The following UQCRQ variants were observed in gnomAD, a reference collection of about 807,000 sequenced individuals.
The protein encoded by UQCRQ is cytochrome b-c1 complex subunit 8.
UQCRQ carries 9 observed loss-of-function variants against 7.9 expected under a neutral mutation model. The ratio of observed to expected loss-of-function variants is 1.13; its 90% confidence interval spans 0.68 to 1.98. The LOEUF is 1.98. Ranked by LOEUF, UQCRQ falls within the 30% of genes most tolerant of loss-of-function variation. The pLI, the probability that UQCRQ is intolerant of heterozygous loss-of-function variation, is 0.00. For missense variants in UQCRQ, 112 were observed against 109.7 expected (o/e 1.02, Z -0.10); for synonymous variants, 50 against 41.9 (o/e 1.19, Z -0.75).
In UQCRQ at chr5:132,867,025, C is replaced by G; in HGVS notation, c.144C>G (p.Arg48=). The G allele has an allele frequency of 6.2e-7, 1 of 1,613,840 alleles. No homozygotes were observed. Among genetic ancestry groups the G allele is most frequent in the Admixed American group, 1.7e-5 (1 of 60,032 alleles). The change falls in exon 2 of 3, where the codon CGC becomes CGG. Residue 48 remains arginine (R), a synonymous_variant. Coordinates refer to ENST00000378670, the MANE Select transcript of UQCRQ (RefSeq NM_014402.5). Reference sequence around the variant, plus strand: ...GCCGCATTCGGGAGTCTTTCTTTCGCGTGGTGCCGCGTGAGTGCCTTGGGC... The same window carrying G: ...GCCGCATTCGGGAGTCTTTCTTTCGGGTGGTGCCGCGTGAGTGCCTTGGGC... ...VLRRIRESFF[R]VVPQFVVFYL... is the part of the protein sequence containing the mutation.
chr5:132,867,008 C>T lies in UQCRQ; in HGVS notation c.127C>T (p.Arg43Trp). 2 of 1,614,032 alleles carry T rather than the reference C, an allele frequency of 1.2e-6. No homozygotes were observed. The highest frequency in any genetic ancestry group is 1.7e-6 in the Non-Finnish European group (2 of 1,179,948). ...KGIPNVLRRI[R>W]ESFFRVVPQF... ...AATCCCCAATGTTCTGCGCCGCATT[C>T]GGGAGTCTTTCTTTCGCGTGGTGCC... is the stretch of plus-strand genomic sequence containing the variant. The change falls in exon 2 of 3, where the codon CGG becomes TGG. Residue 43 changes from arginine to tryptophan, a missense_variant. Physicochemically the swap from Arg to Trp is moderately radical, Grantham distance 101. Coordinates refer to ENST00000378670, the MANE Select transcript of UQCRQ (RefSeq NM_014402.5).
rs377638751 is a variant in UQCRQ, at chr5:132,867,574, G to C, written c.241G>C (p.Asp81His). 1.8e-4 allele frequency: 295 copies of C among 1,613,936 alleles called. No homozygotes were observed. The highest frequency in any genetic ancestry group is 2.5e-4 in the Non-Finnish European group (292 of 1,179,912). ...KRKNPAAYENDK is the reference protein window; with the variant it reads ...KRKNPAAYENHK ...GAAGAATCCAGCTGCCTATGAAAAT[G>C]ACAAATGAGCAACGCATCCGGATGA... The change falls in exon 3 of 3, where the codon GAC becomes CAC. Residue 81 changes from aspartate to histidine, a missense_variant. Asp to His is a moderately conservative substitution (Grantham distance 81). Coordinates refer to ENST00000378670, the MANE Select transcript of UQCRQ (RefSeq NM_014402.5).
chr5:132,867,749 G>C lies in UQCRQ; in HGVS notation c.*167G>C, dbSNP rs1759676003. 1.7e-5 allele frequency: 11 copies of C among 662,168 alleles called. No homozygotes were observed. The highest frequency in any genetic ancestry group is 8.0e-4 in the Middle Eastern group (2 of 2,486). 41.0% of individuals were successfully genotyped at this position (662,168 alleles called of 1,614,324 possible). ...TGTGACCACTAATATTCAAGTTCAT[G>C]AAGCGCCCCTCCTCAGCATGAGTCT... is the stretch of plus-strand genomic sequence containing the variant. On this transcript the variant is annotated 3_prime_UTR_variant, in exon 3 of 3. Transcript: ENST00000378670.
Position 132,867,574 on chromosome 5 carries a change from G to A in UQCRQ, c.241G>A (p.Asp81Asn), listed in dbSNP as rs377638751. ...KRKNPAAYEN[D>N]K ...GAAGAATCCAGCTGCCTATGAAAAT[G>A]ACAAATGAGCAACGCATCCGGATGA... Residue 81 changes from aspartate (D) to asparagine (N), a missense_variant, in exon 3 of 3, where the codon GAC becomes AAC. By Grantham distance (23) the Asp-to-Asn change is conservative. Coordinates refer to ENST00000378670, the MANE Select transcript of UQCRQ (RefSeq NM_014402.5). 1 of 1,613,936 alleles carries A rather than the reference G, an allele frequency of 6.2e-7. No individual in the cohort carries two copies. Among genetic ancestry groups the A allele is most frequent in the Admixed American group, 1.7e-5 (1 of 60,000 alleles).
Position 132,866,886 on chromosome 5 carries a change from G to C in UQCRQ, c.5G>C (p.Gly2Ala). 6.2e-7 allele frequency: 1 copy of C among 1,613,722 alleles called. No homozygotes were observed. The highest frequency in any genetic ancestry group is 8.5e-7 in the Non-Finnish European group (1 of 1,179,944). Reference sequence around the variant, plus strand: ...TCCTGCAGGGCCGCCGCCACAATGGGCCGCGAGTTTGGGAATCTGACGCGG... The same window carrying C: ...TCCTGCAGGGCCGCCGCCACAATGGCCCGCGAGTTTGGGAATCTGACGCGG... M[G>A]REFGNLTRMR... The change falls in exon 2 of 3, where the codon GGC (glycine) becomes GCC (alanine). Residue 2 changes from glycine to alanine, a missense_variant. Coordinates refer to ENST00000378670, the MANE Select transcript of UQCRQ (RefSeq NM_014402.5).
Position 132,867,054 on chromosome 5 carries a change from C to T in UQCRQ, c.154+19C>T, listed in dbSNP as rs756768893. On this transcript the variant is annotated intron_variant, in intron 2 of 2. Transcript: ENST00000378670. ...GTGCCGCGTGAGTGCCTTGGGCCCGCGGGAGCGGGAGGCTGGACCCCAGCA... is the reference window on the plus strand; with the variant it reads ...GTGCCGCGTGAGTGCCTTGGGCCCGTGGGAGCGGGAGGCTGGACCCCAGCA... 3.7e-6 allele frequency: 6 copies of T among 1,612,982 alleles called. No individual in the cohort carries two copies. The South Asian group carries it at 5.5e-5, about 15-fold the overall frequency.
Position 132,867,496 on chromosome 5 carries a change from G to A in UQCRQ, c.163G>A (p.Val55Met), listed in dbSNP as rs1210345397. The A allele has an allele frequency of 1.9e-6, 3 of 1,613,210 alleles. No individual in the cohort carries two copies. The highest frequency in any genetic ancestry group is 2.2e-5 in the East Asian group (1 of 44,888). The change falls in exon 3 of 3, where the codon GTG (valine) becomes ATG (methionine). Residue 55 changes from valine to methionine, a missense_variant. Physicochemically the swap from Val to Met is conservative, Grantham distance 21. Coordinates refer to ENST00000378670, the MANE Select transcript of UQCRQ (RefSeq NM_014402.5). The part of the protein sequence containing the change: ...SFFRVVPQFV[V>M]FYLIYTWGTE... ...TCTCTTAATTTTTAAAGAGTTTGTA[G>A]TGTTTTATCTTATCTACACATGGGG...
rs774125650 is a variant in UQCRQ at position 132,867,601 on chromosome 5, G to T, written c.*19G>T. 22 of 1,604,404 alleles carry T rather than the reference G, an allele frequency of 1.4e-5. No homozygotes were observed. In the East Asian group the frequency reaches 4.5e-4, roughly 33 times the overall value. On this transcript the variant is annotated 3_prime_UTR_variant, in exon 3 of 3. Transcript: ENST00000378670. ...CAAATGAGCAACGCATCCGGATGACGGTTCCCTGTCTCTGAAAGACCTTTC... is the reference window on the plus strand; with the variant it reads ...CAAATGAGCAACGCATCCGGATGACTGTTCCCTGTCTCTGAAAGACCTTTC...
rs1159734566 is a variant in UQCRQ, at chr5:132,868,353, C to T, written c.*771C>T. 6.6e-6 allele frequency among the ~76,000 whole-genome samples: 1 copy of T among 152,146 alleles called. No homozygotes were observed. Among genetic ancestry groups the T allele is most frequent in the Admixed American group, 6.5e-5 (1 of 15,274 alleles). On this transcript the variant is annotated 3_prime_UTR_variant, in exon 3 of 3. Coordinates refer to ENST00000378670, the MANE Select transcript of UQCRQ (RefSeq NM_014402.5). ...GCACCTTTAACGTATCCTCATTTGG[C>T]AGATGAGGAAATGGGCACAGAGAGA...
At chr5:132,867,176 C>T (rs1759653829) in intron 2 of UQCRQ, 141 bp downstream of exon 2, 1 of 1,113,860 alleles carries the variant, frequency 9.0e-7, no homozygotes, top group Non-Finnish European at 1.3e-6. Flanking sequence ...TATTCCTGAC[C>T]GCCCTTAAGC....
chr5:132,867,498 G>C lies in UQCRQ; in HGVS notation c.165G>C (p.Val55=), dbSNP rs767470265. 51 of 1,613,438 alleles carry C rather than the reference G, an allele frequency of 3.2e-5. No homozygotes were observed. Among genetic ancestry groups the C allele is most frequent in the Middle Eastern group, 1.6e-4 (1 of 6,082 alleles). Residue 55 remains valine, a synonymous_variant, in exon 3 of 3, where the codon GTG becomes GTC. Coordinates refer to ENST00000378670, the MANE Select transcript of UQCRQ (RefSeq NM_014402.5). Reference sequence around the variant, plus strand: ...TCTTAATTTTTAAAGAGTTTGTAGTGTTTTATCTTATCTACACATGGGGGA... The same window carrying C: ...TCTTAATTTTTAAAGAGTTTGTAGTCTTTTATCTTATCTACACATGGGGGA... The part of the protein sequence containing the change: ...SFFRVVPQFV[V]FYLIYTWGTE...
Position 132,867,639 on chromosome 5 carries a change from G to A in UQCRQ, c.*57G>A. On this transcript the variant is annotated 3_prime_UTR_variant, in exon 3 of 3. Transcript: ENST00000378670. The stretch of plus-strand genomic sequence containing the variant: ...TGAAAGACCTTTCTCTGGAAGAGGA[G>A]TCTGCATTGTAGTGTCTCAAAGACA... 2 of 1,407,684 alleles carry A rather than the reference G, an allele frequency of 1.4e-6. No individual in the cohort carries two copies. Among genetic ancestry groups the A allele is most frequent in the East Asian group, 2.3e-5 (1 of 43,244 alleles). The allele number at this position is 1,407,684 out of a possible 1,614,324, so 87.2% of individuals were successfully genotyped here.
Position 132,866,939 on chromosome 5 carries a change from T to C in UQCRQ, c.58T>C (p.Ser20Pro), listed in dbSNP as rs1194456649. ...RMRHVISYSL[S>P]PFEQRAYPHV... is the part of the protein sequence containing the mutation. The stretch of plus-strand genomic sequence containing the variant: ...GCGGCATGTGATCAGCTACAGCTTG[T>C]CACCGTTCGAGCAGCGCGCCTATCC... The change falls in exon 2 of 3, where the codon TCA becomes CCA. Residue 20 changes from serine to proline, a missense_variant. Physicochemically the swap from Ser to Pro is moderately conservative, Grantham distance 74 (BLOSUM62 -1). Coordinates refer to ENST00000378670, the MANE Select transcript of UQCRQ (RefSeq NM_014402.5). 1.2e-6 allele frequency: 2 copies of C among 1,614,114 alleles called. No individual in the cohort carries two copies. Among genetic ancestry groups the C allele is most frequent in the Non-Finnish European group, 1.7e-6 (2 of 1,179,968 alleles).
Position 132,868,804 on chromosome 5 carries a change from A to G in UQCRQ, c.*1222A>G, listed in dbSNP as rs558459502. On this transcript the variant is annotated 3_prime_UTR_variant, in exon 3 of 3. Transcript: ENST00000378670. ...ATATGTGGTTCATAAAGCCTCAAAG[A>G]TTTACTCTGGCCCTTTATGAATAAA... 5.3e-5 allele frequency among the ~76,000 whole-genome samples: 8 copies of G among 152,132 alleles called. No individual in the cohort carries two copies. The highest frequency in any genetic ancestry group is 1.9e-4 in the African/African-American group (8 of 41,518).
Position 132,867,880 on chromosome 5 carries a change from G to C in UQCRQ, c.*298G>C, listed in dbSNP as rs982074819. On this transcript the variant is annotated 3_prime_UTR_variant, in exon 3 of 3. Coordinates refer to ENST00000378670, the MANE Select transcript of UQCRQ (RefSeq NM_014402.5). ...GGTACTCCTGCATCTAACCATTTGT[G>C]GGTGACATGGGCTATGGCGAGTGCT... is the stretch of plus-strand genomic sequence containing the variant. 7 of 430,164 alleles carry C rather than the reference G, an allele frequency of 1.6e-5. No homozygotes were observed. The highest frequency in any genetic ancestry group is 4.0e-5 in the African/African-American group (2 of 49,786). 26.6% of individuals were successfully genotyped at this position (430,164 alleles called of 1,614,324 possible).
chr5:132,867,426 C>CT (rs957944716), intron 2 of UQCRQ, 62 bp from the exon 3 acceptor site: 1,052 of 1,345,728 alleles, frequency 7.8e-4, no homozygotes, highest in Non-Finnish European at 9.8e-4. Flanking sequence ...GGACTGAGAC[C>CT]TTTTTTTTTC....
rs1759668019 is a variant in UQCRQ at position 132,867,548 on chromosome 5, G to A, written c.215G>A (p.Arg72Lys). The A allele has an allele frequency of 6.2e-7, 1 of 1,614,050 alleles. No individual in the cohort carries two copies. Among genetic ancestry groups the A allele is most frequent in the South Asian group, 1.1e-5 (1 of 91,088 alleles). Residue 72 changes from arginine (R) to lysine (K), a missense_variant, in exon 3 of 3, where the codon AGG (arginine) becomes AAG (lysine). Physicochemically the swap from Arg to Lys is conservative, Grantham distance 26. Transcript: ENST00000378670. ...ACTGAAGAGTTCGAGAGATCCAAGA[G>A]GAAGAATCCAGCTGCCTATGAAAAT... ...WGTEEFERSK[R>K]KNPAAYENDK
chr5:132,866,735 C>T (rs569999503), intron 1 of UQCRQ, 48 bp downstream of exon 1: 1 of 1,142,580 alleles, frequency 8.8e-7, no homozygotes, highest in South Asian at 1.4e-5. Context: ...CCCTGGGAGG[C>T]TAGGGGCGCC....
rs1253871619 is a variant in UQCRQ, at chr5:132,867,645, A to G, written c.*63A>G. 7 of 1,342,452 alleles carry G rather than the reference A, an allele frequency of 5.2e-6. No homozygotes were observed. Among genetic ancestry groups the G allele is most frequent in the Non-Finnish European group, 7.4e-6 (7 of 940,212 alleles). The allele number at this position is 1,342,452 out of a possible 1,614,324, so 83.2% of individuals were successfully genotyped here. Reference sequence around the variant, plus strand: ...ACCTTTCTCTGGAAGAGGAGTCTGCATTGTAGTGTCTCAAAGACACAATAA... The same window carrying G: ...ACCTTTCTCTGGAAGAGGAGTCTGCGTTGTAGTGTCTCAAAGACACAATAA... On this transcript the variant is annotated 3_prime_UTR_variant, in exon 3 of 3. Transcript: ENST00000378670.
Sources: gnomAD v4.1 joint callset for allele counts (sites outside exome capture counted in the v4.1 genomes callset) on GRCh38, gnomAD v4.1.1 for gene constraint, MANE v1.5 for transcripts, NCBI Gene and HGNC (gene_info 2026-07-23, HGNC 2026-07-21) for gene names.